The following PTPRJ variants were observed in gnomAD, a reference collection of about 807,000 sequenced individuals.
PTPRJ encodes receptor-type tyrosine-protein phosphatase eta.
In PTPRJ, 129 loss-of-function variants were observed where a neutral mutation model predicts 141.3. That is an observed-to-expected ratio of 0.91 (90% confidence interval 0.79 to 1.06). The LOEUF (loss-of-function observed/expected upper bound fraction) is 1.06. Among genes scored for constraint, PTPRJ ranks in the 50% least tolerant of loss-of-function variants. The pLI is 0.00. For synonymous variants in PTPRJ, 610 were observed against 640.5 expected, an observed-to-expected ratio of 0.95 and a Z score of 0.72; for missense variants, 1,601 against 1,679.7, an observed-to-expected ratio of 0.95 and a Z score of 0.82.
At chr11:48,107,751 C>T (rs36031911) in intron 1 of PTPRJ, among the ~76,000 whole-genome samples, 3,634 of 152,254 alleles carry the variant, frequency 0.024, 54 homozygotes, top group Non-Finnish European at 0.035. Flanking sequence ...TCTGGGCCTC[C>T]GTGCCCTCTG....
At chr11:48,135,103 A>G (rs1857061739) in intron 8 of PTPRJ, among the ~76,000 whole-genome samples, 1 of 151,332 alleles carries the variant, frequency 6.6e-6, no homozygotes, top group African/African-American at 2.4e-5. Flanking sequence ...AACTGAACAC[A>G]TCTTGTTACC....
chr11:47,997,756 C>T (rs1854382158), intron 1 of PTPRJ, among the ~76,000 whole-genome samples: 1 of 152,162 alleles, frequency 6.6e-6, no homozygotes, highest in Non-Finnish European at 1.5e-5. Context: ...GAGATATGCC[C>T]TGTCAAAGGG....
intron 16 of PTPRJ, 69 bp from the exon 17 acceptor site, chr11:48,149,921 A>T: frequency 8.2e-7 from 1 of 1,216,870 alleles, no homozygotes; most frequent in Non-Finnish European, 1.2e-6. Context: ...AAGATTGTTT[A>T]CTGTCATTTC....
chr11:48,023,331 A>G (rs1457975605), intron 1 of PTPRJ, among the ~76,000 whole-genome samples: 14 of 152,138 alleles, frequency 9.2e-5, no homozygotes, highest in African/African-American at 3.4e-4. Context: ...TCTAATAATC[A>G]CGATGAGTTT....
chr11:47,998,985 A>G (rs895105604), intron 1 of PTPRJ, among the ~76,000 whole-genome samples: 3 of 152,234 alleles, frequency 2.0e-5, no homozygotes, highest in Non-Finnish European at 4.4e-5. Context: ...AGCTGAGCTC[A>G]TTGCCATGCA....
In PTPRJ at chr11:48,112,821, A is replaced by G; in HGVS notation, c.190A>G (p.Thr64Ala). 1 of 1,614,238 alleles carries G rather than the reference A, an allele frequency of 6.2e-7. No homozygotes were observed. The highest frequency in any genetic ancestry group is 8.5e-7 in the Non-Finnish European group (1 of 1,180,032). ...AAATGGCATAACGCAGATCAGCAGT[A>G]CAGCAGAATCCTTTCATAAACAGAA... Reference protein sequence around the residue: ...GENGITQISSTAESFHKQNGT... With the variant: ...GENGITQISSAAESFHKQNGT... The change falls in exon 3 of 25, where the codon ACA becomes GCA. Residue 64 changes from threonine to alanine, a missense_variant. Transcript: ENST00000418331.
chr11:48,091,982 C>G (rs1855876215), intron 1 of PTPRJ, among the ~76,000 whole-genome samples: 2 of 152,046 alleles, frequency 1.3e-5, no homozygotes, highest in Admixed American at 6.6e-5. Context: ...TTTCTGGAGT[C>G]CCCTGGGTGC....
chr11:48,038,992 A>G (rs986233827), intron 1 of PTPRJ, among the ~76,000 whole-genome samples: 2 of 151,668 alleles, frequency 1.3e-5, no homozygotes, highest in African/African-American at 4.8e-5. Flanking sequence ...TCTACTAAAA[A>G]TACAAAAATT....
intron 1 of PTPRJ, among the ~76,000 whole-genome samples, chr11:48,098,900 G>C (rs575354883): frequency 6.6e-6 from 1 of 152,306 alleles, no homozygotes; most frequent in South Asian, 2.1e-4. Context: ...ATTCAGACAA[G>C]GATTGAGACC....
intron 1 of PTPRJ, among the ~76,000 whole-genome samples, chr11:48,019,992 T>C (rs1855068071): frequency 6.6e-6 from 1 of 152,230 alleles, no homozygotes; most frequent in African/African-American, 2.4e-5. Context: ...AAATGAATAG[T>C]TGGGTTTCGT....
intron 8 of PTPRJ, chr11:48,131,552 G>C: frequency 1.3e-6 from 1 of 774,880 alleles, no homozygotes; most frequent in Non-Finnish European, 2.4e-6. Flanking sequence ...ATCTGAAACA[G>C]AGTTGGCAGA....
rs181347734 is a variant in PTPRJ, at chr11:48,098,984, T to C, written c.97-11074T>C. Among the ~76,000 whole-genome samples the C allele has an allele frequency of 1.7e-3, 259 of 152,366 alleles. 1 individual carries two copies. Among genetic ancestry groups the C allele is most frequent in the Non-Finnish European group, 3.1e-3 (210 of 68,030 alleles). ...TAACAGAGTTATCTTCTCTCGAACATCTGCCTCCTGCCTGATGTTATTTCG... is the reference window on the plus strand; with the variant it reads ...TAACAGAGTTATCTTCTCTCGAACACCTGCCTCCTGCCTGATGTTATTTCG... On this transcript the variant is annotated intron_variant, in intron 1 of 24. Coordinates refer to ENST00000418331, the MANE Select transcript of PTPRJ (RefSeq NM_002843.4).
chr11:48,136,993 TAAAATCAAGG>T lies in PTPRJ; in HGVS notation c.1874-9_1874del. The T allele has an allele frequency of 1.3e-6, 2 of 1,578,352 alleles. No individual in the cohort carries two copies. Among genetic ancestry groups the T allele is most frequent in the Admixed American group, 3.4e-5 (2 of 58,156 alleles). On this transcript the variant is annotated splice_acceptor_variant and splice_polypyrimidine_tract_variant and coding_sequence_variant and intron_variant, in exon 10 of 25. Transcript: ENST00000418331. LOFTEE classifies it high-confidence loss of function. ...GCTTTTACATGAATTGCCTTTTTTT[TAAAATCAAGG>T]GCCCAGCAATGTGTCCAACATTGAT...
At chr11:48,120,890 A>T in intron 3 of PTPRJ, 113 bp from the exon 4 acceptor site, 1 of 995,774 alleles carries the variant, frequency 1.0e-6, no homozygotes, top group Non-Finnish European at 1.5e-6. Context: ...GCAAAGAGAG[A>T]TAAAACTCTG....
chr11:48,070,851 G>A (rs1324577191), intron 1 of PTPRJ, among the ~76,000 whole-genome samples: 1 of 152,142 alleles, frequency 6.6e-6, no homozygotes, highest in East Asian at 1.9e-4. Context: ...TTTATCTTCT[G>A]GCAATTTATC....
Position 48,139,607 on chromosome 11 carries a change from C to G in PTPRJ, c.2274C>G (p.Ala758=). 6.2e-7 allele frequency: 1 copy of G among 1,614,244 alleles called. No individual in the cohort carries two copies. The highest frequency in any genetic ancestry group is 8.5e-7 in the Non-Finnish European group (1 of 1,180,046). ...AGFELEVSSG[A]WNNATHLESC... ...TTGAGCTGGAGGTCAGCAGTGGAGC[C>G]TGGAACAATGCGACCCACCTGGAGA... The change falls in exon 11 of 25, where the codon GCC becomes GCG. Residue 758 remains alanine, a synonymous_variant. Transcript: ENST00000418331.
chr11:48,080,587 G>A (rs1855532495), intron 1 of PTPRJ, among the ~76,000 whole-genome samples: 1 of 152,218 alleles, frequency 6.6e-6, no homozygotes, highest in African/African-American at 2.4e-5. Context: ...GATGTGCACT[G>A]AGTACCTGCA....
At chr11:47,985,815 C>T (rs1854035786) in intron 1 of PTPRJ, among the ~76,000 whole-genome samples, 1 of 152,160 alleles carries the variant, frequency 6.6e-6, no homozygotes, top group South Asian at 2.1e-4. Context: ...ATTCTCCTGC[C>T]TCAGCCTGCT....
In PTPRJ at chr11:48,069,169, G is replaced by A. The variant is rs182744449; in HGVS notation, c.97-40889G>A. On this transcript the variant is annotated intron_variant, in intron 1 of 24. Coordinates refer to ENST00000418331, the MANE Select transcript of PTPRJ (RefSeq NM_002843.4). ...GGCTGGAGTGCAGTGGGGTGATCTC[G>A]GCTAATTGCAACCTCCGCCTCCCGG... Among the ~76,000 whole-genome samples the A allele has an allele frequency of 2.3e-3, 342 of 151,420 alleles. 1 individual carries two copies. The highest frequency in any genetic ancestry group is 7.9e-3 in the African/African-American group (326 of 41,256).
Sources: gnomAD v4.1 joint callset for allele counts (sites outside exome capture counted in the v4.1 genomes callset) on GRCh38, gnomAD v4.1.1 for gene constraint, MANE v1.5 for transcripts, NCBI Gene and HGNC (gene_info 2026-07-23, HGNC 2026-07-21) for gene names.